Variants in KLHL23 observed in about 807,000 individuals in gnomAD.
KLHL23 encodes kelch-like protein 23.
Under a neutral mutation model 48.9 loss-of-function variants are expected in KLHL23, and 33 were observed. That is an observed-to-expected ratio of 0.67 (90% CI 0.51 to 0.90). KLHL23 has a LOEUF of 0.90. Among genes scored for constraint, KLHL23 ranks in the 40% least tolerant of loss-of-function variants. The pLI is 0.00. For synonymous variants in KLHL23, 234 were observed against 231.6 expected (o/e 1.01, Z -0.09); for missense variants, 608 against 669.6 (o/e 0.91, Z 1.02).
chr2:169,749,553 G>C lies in KLHL23; in HGVS notation c.1498G>C (p.Glu500Gln). The C allele has an allele frequency of 1.9e-6, 3 of 1,614,126 alleles. No individual in the cohort carries two copies. The highest frequency in any genetic ancestry group is 2.5e-6 in the Non-Finnish European group (3 of 1,180,020). ...AGCTCCCATGATGGAAAGGAGGATG[G>C]AGTGCGGTGCCGTCATCATGAATGG... Reference protein sequence around the residue: ...EIAPMMERRMECGAVIMNGCI... With the variant: ...EIAPMMERRMQCGAVIMNGCI... Residue 500 changes from glutamate (E) to glutamine (Q), a missense_variant, in exon 4 of 4, where the codon GAG (glutamate) becomes CAG (glutamine). Physicochemically the swap from Glu to Gln is conservative, Grantham distance 29. Around this residue, in one of 3 missense-constraint regions of KLHL23, gnomAD observed 179 missense variants for 169.9 expected, o/e 1.05. Coordinates refer to ENST00000392647, the MANE Select transcript of KLHL23 (RefSeq NM_144711.6).
intron 2 of KLHL23, among the ~76,000 whole-genome samples, chr2:169,740,766 T>TTATATATATATATA (rs55779546): frequency 3.2e-5 from 4 of 125,512 alleles, no homozygotes; most frequent in African/African-American, 1.2e-4. Context: ...CTTTTTTATA[T>TTATATATATATATA]TATATATATA....
intron 3 of KLHL23, 90 bp downstream of exon 3, chr2:169,741,627 C>T (rs1448153292): frequency 1.4e-6 from 2 of 1,454,766 alleles, no homozygotes; most frequent in Non-Finnish European, 1.8e-6. Context: ...ATAGAAAATG[C>T]TGATTTTATT....
In KLHL23 at chr2:169,735,593, T is replaced by C. The variant is rs1290301652; in HGVS notation, c.579T>C (p.Ser193=). 1 of 1,613,860 alleles carries C rather than the reference T, an allele frequency of 6.2e-7. No homozygotes were observed. The highest frequency in any genetic ancestry group is 1.3e-5 in the African/African-American group (1 of 75,036). Residue 193 remains serine (S), a synonymous_variant, in exon 2 of 4, where the codon AGT becomes AGC. Coordinates refer to ENST00000392647, the MANE Select transcript of KLHL23 (RefSeq NM_144711.6). This position sits in a 1 kb window ranked among gnomAD's most constrained non-coding sequence, Gnocchi z 4.5. ...TTATCTTGTCCAGAAAGAATCTCAG[T>C]GTTTGGAAAGAAGAAGCTATCATAG... The part of the protein sequence containing the change: ...FLFILSRKNL[S]VWKEEAIIEP...
At position 169,749,465 on chromosome 2, in the gene KLHL23, A is replaced by G; in HGVS notation, c.1410A>G (p.Leu470=). The G allele has an allele frequency of 6.2e-7, 1 of 1,614,058 alleles. No individual in the cohort carries two copies. ...TTCCGTTTGAAAATAAGCTCTATCT[A>G]GTCGGCGGACAAACTACAATCACAG... ...CSVPFENKLY[L]VGGQTTITEC... is the part of the protein sequence containing the mutation. Residue 470 remains leucine (L), a synonymous_variant, in exon 4 of 4, where the codon CTA becomes CTG. Transcript: ENST00000392647.
At chr2:169,738,831 C>T (rs1224619643) in intron 2 of KLHL23, among the ~76,000 whole-genome samples, 6 of 25,358 alleles carry the variant, frequency 2.4e-4, no homozygotes, top group Admixed American at 5.0e-4. Context: ...CTATTTCCTC[C>T]CCCTCCTCCC....
At position 169,749,512 on chromosome 2, in the gene KLHL23, A is replaced by C. The variant is rs1282703587; in HGVS notation, c.1457A>C (p.Asn486Thr). ...TITECYDPEQ[N>T]EWREIAPMME... ...ACAGAATGCTATGACCCTGAACAAA[A>C]TGAATGGAGAGAGATAGCTCCCATG... is the stretch of plus-strand genomic sequence containing the variant. The change falls in exon 4 of 4, where the codon AAT (asparagine) becomes ACT (threonine). Residue 486 changes from asparagine to threonine, a missense_variant. Transcript: ENST00000392647. 17 of 1,614,152 alleles carry C rather than the reference A, an allele frequency of 1.1e-5. No homozygotes were observed. The highest frequency in any genetic ancestry group is 1.4e-5 in the Non-Finnish European group (17 of 1,180,018).
chr2:169,743,530 C>CA (rs554669333), intron 3 of KLHL23, among the ~76,000 whole-genome samples: 57 of 152,190 alleles, frequency 3.7e-4, no homozygotes, highest in Non-Finnish European at 7.5e-4. Context: ...TTAGCTTTCA[C>CA]AGTCCTTAAA....
intron 2 of KLHL23, among the ~76,000 whole-genome samples, chr2:169,736,895 C>A (rs966727279): frequency 6.6e-6 from 1 of 152,196 alleles, no homozygotes; most frequent in African/African-American, 2.4e-5. Context: ...AAATTTGTAT[C>A]ATTTTGTCCC....
chr2:169,735,800 C>T lies in KLHL23; in HGVS notation c.786C>T (p.Pro262=), dbSNP rs1688498836. The change falls in exon 2 of 4, where the codon CCC becomes CCT. Residue 262 remains proline, a synonymous_variant. Transcript: ENST00000392647. The surrounding 1 kb of genome is among the most constrained non-coding windows in gnomAD (Gnocchi z 4.5). ...CCCTAATATACAATGCCTTGAATCC[C>T]ATGCATAAAGAGATTTCCCAGAGGT... ...IRSLIYNALN[P]MHKEISQRST... 1.9e-6 allele frequency: 3 copies of T among 1,614,078 alleles called. No individual in the cohort carries two copies. Among genetic ancestry groups the T allele is most frequent in the Non-Finnish European group, 2.5e-6 (3 of 1,180,032 alleles).
rs1210236529 is a variant in KLHL23 at position 169,734,983 on chromosome 2, A to G, written c.-2-30A>G. 2.6e-6 allele frequency: 4 copies of G among 1,514,180 alleles called. No homozygotes were observed. In the East Asian group the frequency reaches 9.2e-5, roughly 35 times the overall value. 93.8% of individuals were successfully genotyped at this position (1,514,180 alleles called of 1,614,324 possible). On this transcript the variant is annotated intron_variant, in intron 1 of 3. Transcript: ENST00000392647. The stretch of plus-strand genomic sequence containing the variant: ...ATTTGAGAGAATGTGCAACATTGAA[A>G]ACACATTTGTTATTTCATATTTATT...
Position 169,735,548 on chromosome 2 carries a change from C to T in KLHL23, c.534C>T (p.Ile178=), listed in dbSNP as rs1688488981. 1 of 1,613,652 alleles carries T rather than the reference C, an allele frequency of 6.2e-7. No individual in the cohort carries two copies. The part of the protein sequence containing the change: ...EVWQQEEFLE[I]SLEKFLFILS... The stretch of plus-strand genomic sequence containing the variant: ...GGCAACAAGAAGAATTTCTGGAAAT[C>T]AGCCTTGAAAAGTTTCTCTTTATCT... Residue 178 remains isoleucine (I), a synonymous_variant, in exon 2 of 4, where the codon ATC becomes ATT. Coordinates refer to ENST00000392647, the MANE Select transcript of KLHL23 (RefSeq NM_144711.6). This position sits in a 1 kb window ranked among gnomAD's most constrained non-coding sequence, Gnocchi z 4.5.
chr2:169,741,245 T>C, intron 2 of KLHL23, 140 bp from the exon 3 acceptor site: 1 of 1,127,138 alleles, frequency 8.9e-7, no homozygotes, highest in Non-Finnish European at 1.2e-6. Flanking sequence ...TTTTTTATTC[T>C]TTTGTCCCTT....
intron 3 of KLHL23, among the ~76,000 whole-genome samples, chr2:169,744,160 T>G (rs1002281304): frequency 6.6e-6 from 1 of 152,228 alleles, no homozygotes; most frequent in Non-Finnish European, 1.5e-5. Context: ...TAGTCTTTAC[T>G]GCCGTAGGAG....
intron 2 of KLHL23, among the ~76,000 whole-genome samples, chr2:169,737,878 G>A (rs1187068873): frequency 6.6e-6 from 1 of 152,194 alleles, no homozygotes; most frequent in Non-Finnish European, 1.5e-5. Flanking sequence ...GCCTCCCAAA[G>A]TGCTGGGATT....
chr2:169,741,761 T>C (rs897690331), intron 3 of KLHL23, among the ~76,000 whole-genome samples: 5 of 152,224 alleles, frequency 3.3e-5, no homozygotes, highest in Non-Finnish European at 7.3e-5. Flanking sequence ...CTTTATACAA[T>C]GCACATTGTA....
intron 3 of KLHL23, among the ~76,000 whole-genome samples, chr2:169,747,111 C>CGGT (rs1463498856): frequency 6.6e-6 from 1 of 152,064 alleles, no homozygotes; most frequent in African/African-American, 2.4e-5. Flanking sequence ...GGGCCAGGCA[C>CGGT]GGTGGCTCAC....
chr2:169,741,380 C>T lies in KLHL23; in HGVS notation c.1214-5C>T, dbSNP rs769941961. 120 of 1,604,288 alleles carry T rather than the reference C, an allele frequency of 7.5e-5. No individual in the cohort carries two copies. The highest frequency in any genetic ancestry group is 8.9e-5 in the Non-Finnish European group (104 of 1,173,426). On this transcript the variant is annotated splice_polypyrimidine_tract_variant and splice_region_variant and intron_variant, in intron 2 of 3. Transcript: ENST00000392647. ...TCTAAAGATGTGATTTTAATTAATACGTAGGTGTGGGAAATGCTACTGCCT... is the reference window on the plus strand; with the variant it reads ...TCTAAAGATGTGATTTTAATTAATATGTAGGTGTGGGAAATGCTACTGCCT...
At chr2:169,748,592 G>A (rs1256009741) in intron 3 of KLHL23, among the ~76,000 whole-genome samples, 1 of 152,154 alleles carries the variant, frequency 6.6e-6, no homozygotes, top group Non-Finnish European at 1.5e-5. Flanking sequence ...ATGACTCACA[G>A]AGTTCTGCCT....
In KLHL23 at chr2:169,750,043, A is replaced by ACGTGTGTATACATATATGTGTATATAC. The variant is rs11444477; in HGVS notation, c.*311_*312insCGTGTGTATACATATATGTGTATATAC. On this transcript the variant is annotated 3_prime_UTR_variant, in exon 4 of 4. Coordinates refer to ENST00000392647, the MANE Select transcript of KLHL23 (RefSeq NM_144711.6). The stretch of plus-strand genomic sequence containing the variant: ...TGTATGTATACATATGTGTATATAT[A>ACGTGTGTATACATATATGTGTATATAC]GTATGTATGTATACATGTATGTGTA... The ACGTGTGTATACATATATGTGTATATAC allele has an allele frequency of 2.8e-4, 6 of 21,356 alleles. No homozygotes were observed. Among genetic ancestry groups the ACGTGTGTATACATATATGTGTATATAC allele is most frequent in the African/African-American group, 8.8e-4 (6 of 6,800 alleles). 1.3% of individuals were successfully genotyped at this position (21,356 alleles called of 1,614,324 possible). A position where few individuals can be genotyped will look rare whatever the true frequency, so the allele number is the denominator to read the frequency against.
Sources: gnomAD v4.1 joint callset for allele counts (sites outside exome capture counted in the v4.1 genomes callset) on GRCh38, gnomAD v4.1.1 for gene constraint, gnomAD v4.1.1 regional missense constraint, Gnocchi (gnomAD v3.1) non-coding constraint, MANE v1.5 for transcripts, NCBI Gene and HGNC (gene_info 2026-07-23, HGNC 2026-07-21) for gene names.